The following SEMA6A variants were observed in gnomAD, a reference collection of about 807,000 sequenced individuals.
SEMA6A encodes semaphorin-6A.
SEMA6A carries 25 observed loss-of-function variants against 96.8 expected under a neutral mutation model. The observed-to-expected ratio is 0.26, with a 90% CI of 0.19 to 0.36. The LOEUF (loss-of-function observed/expected upper bound fraction) is 0.36, where lower values mean the gene tolerates loss of function less well. Among genes scored for constraint, SEMA6A ranks in the 10% least tolerant of loss-of-function variants. SEMA6A has a pLI of 1.00. For synonymous variants in SEMA6A, 612 were observed against 518.0 expected, an observed-to-expected ratio of 1.18 and a Z score of -2.46; for missense variants, 1,363 against 1,323.1, an observed-to-expected ratio of 1.03 and a Z score of -0.47.
chr5:116,474,150 A>G (rs144348298), intron 16 of SEMA6A, among the ~76,000 whole-genome samples: 25 of 147,086 alleles, frequency 1.7e-4, no homozygotes, highest in African/African-American at 6.0e-4. Flanking sequence ...TGTTTCACGT[A>G]TTTTCTGATT....
At chr5:116,534,324 C>T (rs1286850492) in intron 1 of SEMA6A, among the ~76,000 whole-genome samples, 1 of 152,222 alleles carries the variant, frequency 6.6e-6, no homozygotes, top group African/African-American at 2.4e-5. Flanking sequence ...CCATGTCACT[C>T]ACCTTCAGTG....
intron 18 of SEMA6A, among the ~76,000 whole-genome samples, chr5:116,461,066 T>C (rs1018360291): frequency 1.3e-5 from 2 of 152,174 alleles, no homozygotes; most frequent in African/African-American, 2.4e-5. Flanking sequence ...AATAAAATAC[T>C]GATGAACTAA....
Position 116,486,767 on chromosome 5 carries a change from A to G in SEMA6A, c.944T>C (p.Phe315Ser), listed in dbSNP as rs761818339. The change falls in exon 10 of 19, where the codon TTT becomes TCT. Residue 315 changes from phenylalanine (F) to serine (S), a missense_variant. Around this residue, in one of 2 missense-constraint regions of SEMA6A, gnomAD observed 480 missense variants for 559.5 expected, o/e 0.86. Transcript: ENST00000343348. ...INGRDVVLAT[F>S]STPYNSIPGS... ...TGATTACCTGTTATAAGGTGTAGAA[A>G]ACGTTGCCAGGACAACATCACGCCC... The G allele has an allele frequency of 6.2e-7, 1 of 1,613,770 alleles. No homozygotes were observed.
intron 5 of SEMA6A, 121 bp downstream of exon 5, chr5:116,496,130 A>T (rs1757589095): frequency 1.2e-6 from 1 of 824,316 alleles, no homozygotes. Flanking sequence ...TGATGAAAAA[A>T]GCAATTACTG....
intron 12 of SEMA6A, among the ~76,000 whole-genome samples, chr5:116,479,114 T>C (rs1020326449): frequency 1.3e-5 from 2 of 152,222 alleles, no homozygotes; most frequent in Admixed American, 1.3e-4. Flanking sequence ...TGAAAAGCAA[T>C]GACTGCGATT....
chr5:116,535,070 A>T (rs1373291518), intron 1 of SEMA6A, among the ~76,000 whole-genome samples: 3 of 152,236 alleles, frequency 2.0e-5, no homozygotes, highest in Admixed American at 1.3e-4. Flanking sequence ...TGCAGGAAAT[A>T]CACAAACATT....
rs1036668920 is a variant in SEMA6A at position 116,446,494 on chromosome 5, C to A, written c.*119G>T. Reference sequence around the variant, plus strand: ...CCCAGAGAGGAGGACCCAGCGTCCTCGGCTCTGCCGCAGGCCTTCTTGGTC... The same window carrying A: ...CCCAGAGAGGAGGACCCAGCGTCCTAGGCTCTGCCGCAGGCCTTCTTGGTC... On this transcript the variant is annotated 3_prime_UTR_variant, in exon 19 of 19. Transcript: ENST00000343348. The A allele has an allele frequency of 2.3e-6, 2 of 878,578 alleles. No homozygotes were observed. Among genetic ancestry groups the A allele is most frequent in the Non-Finnish European group, 3.3e-6 (2 of 599,970 alleles). The allele number at this position is 878,578 out of a possible 1,614,324, so 54.4% of individuals were successfully genotyped here. A position where few individuals can be genotyped will look rare whatever the true frequency, so the allele number is the denominator to read the frequency against.
rs73781094 is a variant in SEMA6A, at chr5:116,482,111, C to T, written c.1094+333G>A. ...AAGCATAAAGAAGCAGCGGAAATCA[C>T]CACCCCCAACCCCCGCTATTGAACT... On this transcript the variant is annotated intron_variant, in intron 11 of 18. Coordinates refer to ENST00000343348, the MANE Select transcript of SEMA6A (RefSeq NM_020796.5). Among the ~76,000 whole-genome samples, 129 of 152,272 alleles carry T rather than the reference C, an allele frequency of 8.5e-4. 1 individual carries two copies. Among genetic ancestry groups the T allele is most frequent in the African/African-American group, 2.7e-3 (114 of 41,562 alleles).
intron 18 of SEMA6A, among the ~76,000 whole-genome samples, chr5:116,448,496 G>A (rs1754417400): frequency 6.6e-6 from 1 of 151,828 alleles, no homozygotes; most frequent in South Asian, 2.1e-4. Context: ...CCTAGAACTG[G>A]GATAACCAAG....
At chr5:116,504,821 C>A (rs1561503107) in intron 2 of SEMA6A, 24 bp downstream of exon 2, 2 of 1,541,376 alleles carry the variant, frequency 1.3e-6, no homozygotes, top group African/African-American at 1.4e-5. Flanking sequence ...AAGGGAGACA[C>A]TGAGTGAGAC....
intron 1 of SEMA6A, among the ~76,000 whole-genome samples, chr5:116,567,733 G>A (rs1047143395): frequency 6.6e-6 from 1 of 152,072 alleles, no homozygotes; most frequent in South Asian, 2.1e-4. Context: ...TCCCTCCAAC[G>A]GTCCCTTCAC....
intron 1 of SEMA6A, among the ~76,000 whole-genome samples, chr5:116,549,367 C>G (rs1320542029): frequency 6.6e-6 from 1 of 152,148 alleles, no homozygotes; most frequent in Non-Finnish European, 1.5e-5. Context: ...GCAGGAGGAT[C>G]TTGATCATGC....
intron 18 of SEMA6A, 36 bp downstream of exon 18, chr5:116,467,547 C>G: frequency 6.3e-7 from 1 of 1,577,692 alleles, no homozygotes; most frequent in Non-Finnish European, 8.6e-7. Context: ...TTCCCTCCCT[C>G]TCCCCCGAGA....
chr5:116,564,317 C>G (rs1324172773), intron 1 of SEMA6A, among the ~76,000 whole-genome samples: 1 of 152,184 alleles, frequency 6.6e-6, no homozygotes, highest in Admixed American at 6.5e-5. Flanking sequence ...GTAAGGAATT[C>G]AAAGTTTCTT....
chr5:116,532,687 A>ACTCTTTTCCCTTCCCTT (rs898285005), intron 1 of SEMA6A, among the ~76,000 whole-genome samples: 1 of 151,560 alleles, frequency 6.6e-6, no homozygotes, highest in Non-Finnish European at 1.5e-5. Context: ...ACACATGCTG[A>ACTCTTTTCCCTTCCCTT]CTCTTTTCCC....
At chr5:116,551,244 A>G (rs748026296) in intron 1 of SEMA6A, among the ~76,000 whole-genome samples, 1 of 151,846 alleles carries the variant, frequency 6.6e-6, no homozygotes, top group Non-Finnish European at 1.5e-5. Context: ...GTCAAAATGG[A>G]TAACGTAGGC....
intron 1 of SEMA6A, among the ~76,000 whole-genome samples, chr5:116,551,859 A>G (rs1760427589): frequency 6.6e-6 from 1 of 152,244 alleles, no homozygotes; most frequent in Non-Finnish European, 1.5e-5. Context: ...CTAAAGAATT[A>G]GTGTGTCTGG....
At position 116,446,581 on chromosome 5, in the gene SEMA6A, C is replaced by G; in HGVS notation, c.*32G>C. 6.9e-7 allele frequency: 1 copy of G among 1,452,166 alleles called. No homozygotes were observed. Among genetic ancestry groups the G allele is most frequent in the Non-Finnish European group, 9.1e-7 (1 of 1,098,156 alleles). The allele number at this position is 1,452,166 out of a possible 1,614,324, so 90.0% of individuals were successfully genotyped here. A position where few individuals can be genotyped will look rare whatever the true frequency, so the allele number is the denominator to read the frequency against. ...CTGAGCGGGCACCTCGCCTTGCCTG[C>G]TGGTTCGACACCTGACCCCCTCCCC... is the stretch of plus-strand genomic sequence containing the variant. On this transcript the variant is annotated 3_prime_UTR_variant, in exon 19 of 19. Transcript: ENST00000343348.
chr5:116,502,169 T>C (rs1757914366), intron 3 of SEMA6A, 41 bp downstream of exon 3: 5 of 1,537,216 alleles, frequency 3.3e-6, no homozygotes, highest in Non-Finnish European at 4.5e-6. Flanking sequence ...CCTTGGGCTT[T>C]TGGACACTCT....
Sources: gnomAD v4.1 joint callset for allele counts (sites outside exome capture counted in the v4.1 genomes callset) on GRCh38, gnomAD v4.1.1 for gene constraint, gnomAD v4.1.1 regional missense constraint, MANE v1.5 for transcripts, NCBI Gene and HGNC (gene_info 2026-07-23, HGNC 2026-07-21) for gene names.